Variants in KAZN observed in about 807,000 individuals in gnomAD.
KAZN encodes the protein kazrin.
In KAZN, 40 loss-of-function variants were observed where a neutral mutation model predicts 87.4. That is an observed-to-expected ratio of 0.46 (90% CI 0.36 to 0.60). The LOEUF is 0.60. Ranked by LOEUF, KAZN falls within the 20% of genes least tolerant of loss-of-function variation. The probability of loss-of-function intolerance (pLI) is 0.00; values close to 1 mark genes in which losing one functional copy is unlikely to be tolerated. For missense variants in KAZN, 898 were observed against 1,073.9 expected (o/e 0.84, Z 2.29); for synonymous variants, 466 against 458.3 (o/e 1.02, Z -0.22).
At chr1:14,986,568 C>G (rs1666844007) in intron 2 of KAZN, among the ~76,000 whole-genome samples, 1 of 152,154 alleles carries the variant, frequency 6.6e-6, no homozygotes, top group South Asian at 2.1e-4. Flanking sequence ...TGAGCCAGGG[C>G]TGTGAAAGGA....
intron 1 of KAZN, among the ~76,000 whole-genome samples, chr1:14,609,453 A>T (rs545846883): frequency 7.9e-5 from 12 of 152,354 alleles, no homozygotes; most frequent in African/African-American, 2.9e-4. Flanking sequence ...AAACAAAACA[A>T]AAAGCAACCT....
intron 1 of KAZN, among the ~76,000 whole-genome samples, chr1:14,739,752 C>CA (rs541176786): frequency 1.3e-5 from 2 of 151,374 alleles, no homozygotes; most frequent in Admixed American, 6.6e-5. Context: ...ATGACGGATT[C>CA]AAAAAAAGTG....
intron 1 of KAZN, among the ~76,000 whole-genome samples, chr1:14,610,598 T>C (rs138440870): frequency 0.013 from 2,017 of 152,290 alleles, 14 homozygotes; most frequent in Middle Eastern, 0.027. Context: ...GTTAGGGATC[T>C]GTAAACAAGG....
chr1:14,140,688 T>G (rs1300022422), intron 1 of KAZN, among the ~76,000 whole-genome samples: 1 of 152,142 alleles, frequency 6.6e-6, no homozygotes, highest in Non-Finnish European at 1.5e-5. Flanking sequence ...ACGTGTAAGC[T>G]GCTCCACCAC....
intron 2 of KAZN, among the ~76,000 whole-genome samples, chr1:14,487,438 C>G (rs1430021091): frequency 2.0e-5 from 3 of 152,190 alleles, no homozygotes; most frequent in Non-Finnish European, 4.4e-5. Flanking sequence ...TTTCTCATCC[C>G]CAGCCTCACA....
chr1:14,504,475 A>G (rs1283915192), intron 2 of KAZN, among the ~76,000 whole-genome samples: 1 of 152,234 alleles, frequency 6.6e-6, no homozygotes, highest in Admixed American at 6.5e-5. Flanking sequence ...ACTTCCAACA[A>G]GCGAGTTCTC....
At chr1:14,731,042 T>A (rs1209585694) in intron 1 of KAZN, among the ~76,000 whole-genome samples, 2 of 152,186 alleles carry the variant, frequency 1.3e-5, no homozygotes, top group African/African-American at 4.8e-5. Context: ...TCCTTTGTGA[T>A]GTATTGTTAC....
chr1:14,253,834 G>C (rs1027011631), intron 2 of KAZN, among the ~76,000 whole-genome samples: 68 of 151,842 alleles, frequency 4.5e-4, no homozygotes, highest in African/African-American at 1.5e-3. Flanking sequence ...GCCCTCCCCG[G>C]CCAGATATTC....
chr1:14,189,297 A>G (rs941804669), intron 2 of KAZN, among the ~76,000 whole-genome samples: 18 of 152,220 alleles, frequency 1.2e-4, no homozygotes, highest in African/African-American at 4.3e-4. Context: ...CTTGTATTGG[A>G]TTACTGAGTC....
At chr1:14,999,286 G>T (rs866615178) in intron 2 of KAZN, among the ~76,000 whole-genome samples, 1 of 152,204 alleles carries the variant, frequency 6.6e-6, no homozygotes, top group East Asian at 1.9e-4. Context: ...GTCTTACTGC[G>T]TGTGACTTTA....
At chr1:14,689,447 G>T (rs531578200) in intron 1 of KAZN, among the ~76,000 whole-genome samples, 1 of 152,136 alleles carries the variant, frequency 6.6e-6, no homozygotes, top group African/African-American at 2.4e-5. Context: ...ATGTTGATGG[G>T]GGTGGAAATA....
At chr1:14,283,170 A>C (rs1165276320) in intron 2 of KAZN, among the ~76,000 whole-genome samples, 2 of 152,150 alleles carry the variant, frequency 1.3e-5, no homozygotes, top group Non-Finnish European at 2.9e-5. Context: ...ATTGGGCTGC[A>C]GCTTTTTCAG....
chr1:14,173,245 T>C (rs1197658118), intron 1 of KAZN, among the ~76,000 whole-genome samples: 2 of 152,208 alleles, frequency 1.3e-5, no homozygotes, highest in Non-Finnish European at 2.9e-5. Context: ...AGCATCTTTA[T>C]AGTAATCAAG....
chr1:14,700,673 T>C (rs1641872705), intron 1 of KAZN, among the ~76,000 whole-genome samples: 1 of 152,050 alleles, frequency 6.6e-6, no homozygotes, highest in Admixed American at 6.6e-5. Flanking sequence ...GTTGAGCATG[T>C]ATGCCTCTCT....
intron 1 of KAZN, among the ~76,000 whole-genome samples, chr1:14,084,633 A>G (rs1643795990): frequency 6.6e-6 from 1 of 151,350 alleles, no homozygotes; most frequent in South Asian, 2.1e-4. Context: ...ATTTACTTCA[A>G]TCTGTAACTT....
intron 2 of KAZN, among the ~76,000 whole-genome samples, chr1:14,314,673 G>C (rs1403344139): frequency 6.6e-6 from 1 of 151,944 alleles, no homozygotes; most frequent in Non-Finnish European, 1.5e-5. Context: ...TTTTTATTAA[G>C]ATACAATTTA....
chr1:14,630,578 C>T (rs1679491190), intron 1 of KAZN, among the ~76,000 whole-genome samples: 1 of 152,188 alleles, frequency 6.6e-6, no homozygotes, highest in East Asian at 1.9e-4. Context: ...GACCTCTCCA[C>T]CAAAGGGCCA....
intron 2 of KAZN, among the ~76,000 whole-genome samples, chr1:14,513,870 T>G (rs1221989912): frequency 6.6e-6 from 1 of 152,104 alleles, no homozygotes; most frequent in East Asian, 1.9e-4. Flanking sequence ...GTTGCTACAA[T>G]TAGAAGATCA....
At chr1:14,799,057 A>T (rs958304215) in intron 1 of KAZN, among the ~76,000 whole-genome samples, 1 of 152,212 alleles carries the variant, frequency 6.6e-6, no homozygotes, top group Non-Finnish European at 1.5e-5. Flanking sequence ...GATTACAGGC[A>T]TGATGAGCCA....
Sources: allele counts gnomAD v4.1 joint callset (sites outside exome capture counted in the v4.1 genomes callset), GRCh38; gene constraint gnomAD v4.1.1; transcripts MANE v1.5; gene names NCBI Gene and HGNC (gene_info 2026-07-23, HGNC 2026-07-21).